TTC7A: variants seen among roughly 807,000 people sequenced by gnomAD.
TTC7A encodes tetratricopeptide repeat domain 7A.
Under a neutral mutation model 103.7 loss-of-function variants are expected in TTC7A, and 110 were observed. That is an observed-to-expected ratio of 1.06 (90% confidence interval 0.91 to 1.24). The LOEUF is 1.24. Among genes scored for constraint, TTC7A ranks in the 50% most tolerant of loss-of-function variants. The probability of loss-of-function intolerance (pLI) is 0.00; values close to 1 mark genes in which losing one functional copy is unlikely to be tolerated. For missense variants in TTC7A, 1,340 were observed against 1,116.3 expected (o/e 1.20, Z -2.86); for synonymous variants, 521 against 467.9 (o/e 1.11, Z -1.47).
intron 1 of TTC7A, among the ~76,000 whole-genome samples, chr2:46,945,465 G>A (rs1156488411): frequency 6.6e-6 from 1 of 152,210 alleles, no homozygotes; most frequent in Non-Finnish European, 1.5e-5. Flanking sequence ...GGCCAGGATG[G>A]TCTCTATCTG....
chr2:47,040,607 A>C (rs1681631749), intron 15 of TTC7A: 1 of 152,216 alleles, frequency 6.6e-6, no homozygotes, highest in Non-Finnish European at 1.5e-5. Flanking sequence ...ACAGACCAAG[A>C]AGCTCAGGGC....
At chr2:46,987,162 T>G (rs954812047) in intron 5 of TTC7A, among the ~76,000 whole-genome samples, 1 of 151,838 alleles carries the variant, frequency 6.6e-6, no homozygotes. Context: ...GTGGAGGGCG[T>G]CTCTTCCCCT....
Position 47,007,658 on chromosome 2 carries a change from G to A in TTC7A, c.1287+934G>A, listed in dbSNP as rs1214178642. ...GGCGTGCCAGCCAGCTCGGGGCCTCGGCAGCCGAGGCAGGCCAGGCCCTGG... is the reference window on the plus strand; with the variant it reads ...GGCGTGCCAGCCAGCTCGGGGCCTCAGCAGCCGAGGCAGGCCAGGCCCTGG... On this transcript the variant is annotated intron_variant, in intron 10 of 19. Transcript: ENST00000319190. The surrounding 1 kb of genome is among the most constrained non-coding windows in gnomAD (Gnocchi z 4.9). 1.3e-5 allele frequency among the ~76,000 whole-genome samples: 2 copies of A among 152,126 alleles called. No individual in the cohort carries two copies. The highest frequency in any genetic ancestry group is 2.4e-5 in the African/African-American group (1 of 41,426).
chr2:47,027,213 G>T (rs1307405648), intron 14 of TTC7A, among the ~76,000 whole-genome samples: 1 of 152,204 alleles, frequency 6.6e-6, no homozygotes, highest in East Asian at 1.9e-4. Flanking sequence ...GCATCCTGGG[G>T]AATCAGGCCA....
intron 11 of TTC7A, among the ~76,000 whole-genome samples, chr2:47,020,365 G>C (rs1425999472): frequency 6.6e-6 from 1 of 152,172 alleles, no homozygotes; most frequent in Non-Finnish European, 1.5e-5. Context: ...ACAGATCTTA[G>C]CATCTATAGC....
intron 3 of TTC7A, among the ~76,000 whole-genome samples, chr2:46,961,596 T>TAAATAAATAAATAAA (rs1357395990): frequency 2.0e-5 from 3 of 148,536 alleles, no homozygotes; most frequent in African/African-American, 7.4e-5. Context: ...AATAAATAAA[T>TAAATAAATAAATAAA]AAATAAATAA....
At chr2:47,050,278 G>A (rs945612574) in intron 17 of TTC7A, 2 of 552,650 alleles carry the variant, frequency 3.6e-6, no homozygotes, top group African/African-American at 3.8e-5. Flanking sequence ...CTGCATGGGG[G>A]TGAAGAAAGA....
At chr2:46,964,168 G>A (rs1224990737) in intron 3 of TTC7A, among the ~76,000 whole-genome samples, 1 of 152,250 alleles carries the variant, frequency 6.6e-6, no homozygotes, top group Non-Finnish European at 1.5e-5. Context: ...GTGAGATCCA[G>A]CTAGTTGTGG....
At chr2:47,068,654 C>G (rs1684386681) in intron 19 of TTC7A, 2 of 151,788 alleles carry the variant, frequency 1.3e-5, no homozygotes, top group South Asian at 4.2e-4. Context: ...CAGTGGGGAT[C>G]AGAGGCCCCT....
intron 5 of TTC7A, among the ~76,000 whole-genome samples, chr2:46,987,879 G>A (rs1388456628): frequency 6.6e-6 from 1 of 151,692 alleles, no homozygotes; most frequent in Non-Finnish European, 1.5e-5. Flanking sequence ...ATGCCGAGTT[G>A]GAGAGGCAGC....
chr2:46,994,519 G>A lies in TTC7A; in HGVS notation c.1001+5G>A, dbSNP rs1359277811. 1 of 1,613,686 alleles carries A rather than the reference G, an allele frequency of 6.2e-7. No individual in the cohort carries two copies. Among genetic ancestry groups the A allele is most frequent in the Admixed American group, 1.7e-5 (1 of 59,978 alleles). The stretch of plus-strand genomic sequence containing the variant: ...TCACCTCTATGAAGGAGACAAGTAA[G>A]TTCTGCCTGCCCTGCTGCACCTTGC... On this transcript the variant is annotated splice_donor_5th_base_variant and intron_variant, in intron 7 of 19. Coordinates refer to ENST00000319190, the MANE Select transcript of TTC7A (RefSeq NM_020458.4).
intron 8 of TTC7A, among the ~76,000 whole-genome samples, chr2:47,002,231 A>G (rs1004426122): frequency 2.6e-5 from 4 of 152,204 alleles, no homozygotes; most frequent in African/African-American, 4.8e-5. Context: ...GATTAAATGC[A>G]TGGATTAAAC....
chr2:47,049,798 T>C, intron 16 of TTC7A, 151 bp from the exon 17 acceptor site: 1 of 630,620 alleles, frequency 1.6e-6, no homozygotes, highest in Non-Finnish European at 2.8e-6. Flanking sequence ...CAGCTCTGTC[T>C]TTGGGCCTGA....
In TTC7A at chr2:47,074,139, C is replaced by T. The variant is rs918891422; in HGVS notation, c.*216C>T. 6.8e-6 allele frequency: 4 copies of T among 585,308 alleles called. No homozygotes were observed. Among genetic ancestry groups the T allele is most frequent in the Non-Finnish European group, 1.2e-5 (4 of 328,306 alleles). The allele number at this position is 585,308 out of a possible 1,614,324, so 36.3% of individuals were successfully genotyped here. A position where few individuals can be genotyped will look rare whatever the true frequency, so the allele number is the denominator to read the frequency against. On this transcript the variant is annotated 3_prime_UTR_variant, in exon 20 of 20. Transcript: ENST00000319190. The stretch of plus-strand genomic sequence containing the variant: ...GCCTTGGGAAACAGTCTGACTTGAA[C>T]CCTAAGTGCCTTTGGAGAGTTTTGT...
chr2:46,984,162 C>T (rs1029761765), intron 5 of TTC7A, among the ~76,000 whole-genome samples: 2 of 152,190 alleles, frequency 1.3e-5, no homozygotes, highest in African/African-American at 4.8e-5. Context: ...TTGGTAGAGC[C>T]AGGATTCTGT....
Position 46,983,130 on chromosome 2 carries a change from C to G in TTC7A, c.764+4223C>G, listed in dbSNP as rs141458583. ...CTTTTGTTTTCTTTGTGTAATTTCT[C>G]AAGTGGTAGGCCAGGGAGGTGGTGG... On this transcript the variant is annotated intron_variant, in intron 5 of 19. Transcript: ENST00000319190. 3.8e-3 allele frequency among the ~76,000 whole-genome samples: 576 copies of G among 152,276 alleles called. 11 individuals carry two copies. Among genetic ancestry groups the G allele is most frequent in the African/African-American group, 0.013 (557 of 41,560 alleles).
chr2:46,955,373 C>A (rs1334172805), intron 2 of TTC7A, among the ~76,000 whole-genome samples: 2 of 152,198 alleles, frequency 1.3e-5, no homozygotes, highest in Non-Finnish European at 2.9e-5. Context: ...GGAAGACTAG[C>A]AAATCCCCTC....
At chr2:46,961,685 A>T (rs967718125) in intron 3 of TTC7A, among the ~76,000 whole-genome samples, 3 of 152,048 alleles carry the variant, frequency 2.0e-5, no homozygotes. Context: ...CGGGTGGATG[A>T]CTTGAGGTTA....
At chr2:47,068,022 G>A (rs1558648709) in intron 19 of TTC7A, 1 of 152,424 alleles carries the variant, frequency 6.6e-6, no homozygotes, top group East Asian at 1.9e-4. Flanking sequence ...CCTGACCTTA[G>A]CTACGGGGAG....
Sources: gnomAD v4.1 joint callset for allele counts (sites outside exome capture counted in the v4.1 genomes callset) on GRCh38, gnomAD v4.1.1 for gene constraint, Gnocchi (gnomAD v3.1) non-coding constraint, MANE v1.5 for transcripts, NCBI Gene and HGNC (gene_info 2026-07-23, HGNC 2026-07-21) for gene names.